The following FARP1 variants were observed in gnomAD, a reference collection of about 807,000 sequenced individuals.
FARP1 encodes FERM, ARHGEF and pleckstrin domain-containing protein 1.
Under a neutral mutation model 128.8 loss-of-function variants are expected in FARP1, and 52 were observed. That is an observed-to-expected ratio of 0.40 (90% confidence interval 0.32 to 0.51). FARP1 has a LOEUF of 0.51. FARP1 is among the 20% of genes least tolerant of loss of function. The probability of loss-of-function intolerance (pLI) is 0.45; values close to 1 mark genes in which losing one functional copy is unlikely to be tolerated. For synonymous variants in FARP1, 580 were observed against 551.8 expected (o/e 1.05, Z -0.72); for missense variants, 1,333 against 1,367.9 (o/e 0.97, Z 0.40).
intron 26 of FARP1, chr13:98,447,049 G>A (rs1892891373): frequency 9.9e-6 from 5 of 505,766 alleles, no homozygotes; most frequent in South Asian, 7.3e-5. Context: ...TGAGGCCCTA[G>A]ACATCTTGCT....
chr13:98,170,589 CTT>C (rs1877587816), intron 1 of FARP1, among the ~76,000 whole-genome samples: 1 of 151,902 alleles, frequency 6.6e-6, no homozygotes, highest in Admixed American at 6.6e-5. Context: ...ATCTCCTGAC[CTT>C]GTGATCTGCC....
chr13:98,296,586 C>CT (rs951194621), intron 2 of FARP1, among the ~76,000 whole-genome samples: 19 of 151,850 alleles, frequency 1.3e-4, no homozygotes, highest in African/African-American at 4.3e-4. Context: ...TAATGGGAGC[C>CT]TTTTTTGCGT....
At chr13:98,322,200 A>T (rs1310468576) in intron 2 of FARP1, among the ~76,000 whole-genome samples, 1 of 152,222 alleles carries the variant, frequency 6.6e-6, no homozygotes, top group Non-Finnish European at 1.5e-5. Context: ...CCGGAGGCTG[A>T]GACAGGAGAA....
intron 1 of FARP1, among the ~76,000 whole-genome samples, chr13:98,150,420 T>C (rs1364287221): frequency 6.6e-6 from 1 of 152,250 alleles, no homozygotes; most frequent in African/African-American, 2.4e-5. Context: ...ACATTCTTAA[T>C]GTCATCTTAT....
At chr13:98,441,062 A>G (rs1892503371) in intron 24 of FARP1, among the ~76,000 whole-genome samples, 2 of 152,154 alleles carry the variant, frequency 1.3e-5, no homozygotes, top group Admixed American at 6.5e-5. Context: ...AAATGCAGTC[A>G]TATCCCTTGG....
intron 5 of FARP1, 54 bp downstream of exon 5, chr13:98,368,249 A>C: frequency 8.0e-7 from 1 of 1,253,698 alleles, no homozygotes; most frequent in Non-Finnish European, 1.2e-6. Context: ...AGGAAAAGAG[A>C]AAATGAATGT....
chr13:98,249,474 G>A (rs1401286302), intron 2 of FARP1, among the ~76,000 whole-genome samples: 3 of 152,168 alleles, frequency 2.0e-5, no homozygotes. Context: ...GAAGAGGTCT[G>A]ATTTTTGCTT....
Position 98,448,309 on chromosome 13 carries a change from G to C in FARP1, c.3130G>C (p.Val1044Leu), listed in dbSNP as rs150804986. 1.3e-5 allele frequency: 21 copies of C among 1,612,828 alleles called. No homozygotes were observed. In the African/African-American group the frequency reaches 2.1e-4, roughly 16 times the overall value. The change falls in exon 27 of 27, where the codon GTG (valine) becomes CTG (leucine). Residue 1044 changes from valine to leucine, a missense_variant. Physicochemically the swap from Val to Leu is conservative, Grantham distance 32. Transcript: ENST00000319562. ...CGTGTTGAGTCACAAAGAGTCTCTT[G>C]TGTATTGATGGCCGGACACACTCGT... ...PHVLSHKESL[V>L]Y
rs780286201 is a variant in FARP1, at chr13:98,176,840, G to T, written c.-24+33348G>T. On this transcript the variant is annotated intron_variant, in intron 1 of 26. Transcript: ENST00000319562. The surrounding 1 kb of genome is among the most constrained non-coding windows in gnomAD (Gnocchi z 6.2). ...CGACCCCGCAGTGCCTCCTGGACCC[G>T]CTGGCTGCACTTGAGGATGGTCGGC... 1 of 1,611,648 alleles carries T rather than the reference G, an allele frequency of 6.2e-7. No individual in the cohort carries two copies. Among genetic ancestry groups the T allele is most frequent in the Non-Finnish European group, 8.5e-7 (1 of 1,179,962 alleles).
rs544786488 is a variant in FARP1, at chr13:98,238,491, A to T, written c.171+25078A>T. Among the ~76,000 whole-genome samples the T allele has an allele frequency of 2.0e-5, 3 of 152,342 alleles. No individual in the cohort carries two copies. In the East Asian group the frequency reaches 5.8e-4, roughly 29 times the overall value. On this transcript the variant is annotated intron_variant, in intron 2 of 26. Transcript: ENST00000319562. ...TATCTGAGACTGGGTAATTTATTAA[A>T]AAAAGAGGGTTATTGGACTCGCAGT...
In FARP1 at chr13:98,451,748, CA is replaced by C. The variant is rs1893203922; in HGVS notation, c.*3432del. The C allele has an allele frequency of 2.0e-5, 3 of 152,334 alleles. No homozygotes were observed. In the South Asian group the frequency reaches 6.2e-4, roughly 32 times the overall value. The allele number at this position is 152,334 out of a possible 1,614,324, so 9.4% of individuals were successfully genotyped here. A position where few individuals can be genotyped will look rare whatever the true frequency, so the allele number is the denominator to read the frequency against. On this transcript the variant is annotated 3_prime_UTR_variant, in exon 27 of 27. Coordinates refer to ENST00000319562, the MANE Select transcript of FARP1 (RefSeq NM_005766.4). The stretch of plus-strand genomic sequence containing the variant: ...CTTCAACAAACATAAAAGAATGCTT[CA>C]TGTACCAGTCAACAGCTGCTGCACG...
chr13:98,305,119 T>TA lies in FARP1; in HGVS notation c.172-38643_172-38642insA, dbSNP rs769255549. ...ATTTAAATGTGTATATATATATATA[T>TA]TTTTTAATTTATTTATTTTTTATTT... On this transcript the variant is annotated intron_variant, in intron 2 of 26. Transcript: ENST00000319562. 9.8e-3 allele frequency among the ~76,000 whole-genome samples: 52 copies of TA among 5,282 alleles called. No homozygotes were observed. In the East Asian group the frequency reaches 0.1, roughly 10 times the overall value. The allele number at this position is 5,282 out of a possible 152,430, so 3.5% of individuals were successfully genotyped here.
intron 2 of FARP1, among the ~76,000 whole-genome samples, chr13:98,228,381 A>G (rs558304901): frequency 1.3e-5 from 2 of 152,270 alleles, no homozygotes; most frequent in East Asian, 3.9e-4. Flanking sequence ...AAGAAAAAGG[A>G]AAAATGGCTA....
intron 16 of FARP1, among the ~76,000 whole-genome samples, chr13:98,417,805 G>A (rs1475499399): frequency 6.6e-6 from 1 of 152,198 alleles, no homozygotes; most frequent in Admixed American, 6.5e-5. Flanking sequence ...TTGCTGCCCA[G>A]AAAAATGGAG....
intron 2 of FARP1, among the ~76,000 whole-genome samples, chr13:98,230,777 C>T (rs539280492): frequency 6.6e-6 from 1 of 152,256 alleles, no homozygotes; most frequent in Admixed American, 6.5e-5. Flanking sequence ...CAGAAACAGC[C>T]TCTAATTTGT....
chr13:98,426,918 T>C (rs1260909015), intron 17 of FARP1, among the ~76,000 whole-genome samples: 1 of 152,180 alleles, frequency 6.6e-6, no homozygotes. Context: ...CAATTTTAGC[T>C]TTACAGAAAA....
intron 1 of FARP1, among the ~76,000 whole-genome samples, chr13:98,184,655 G>A (rs758959410): frequency 7.0e-4 from 106 of 152,092 alleles, no homozygotes; most frequent in Non-Finnish European, 1.3e-3. Context: ...TGTCCATCCT[G>A]CTTCCGCCTT....
At chr13:98,156,145 T>G (rs1164090155) in intron 1 of FARP1, among the ~76,000 whole-genome samples, 4 of 152,244 alleles carry the variant, frequency 2.6e-5, no homozygotes, top group Non-Finnish European at 1.5e-5. Context: ...TCTAAATAAC[T>G]AATTATAAAA....
At chr13:98,385,637 G>A (rs1193660615) in intron 7 of FARP1, 30 bp from the exon 8 acceptor site, 1 of 1,612,762 alleles carries the variant, frequency 6.2e-7, no homozygotes, top group Admixed American at 1.7e-5. Context: ...CAAATCTCCT[G>A]GCCTTTCTGT....
Sources: allele counts gnomAD v4.1 joint callset (sites outside exome capture counted in the v4.1 genomes callset), GRCh38; gene constraint gnomAD v4.1.1; non-coding constraint Gnocchi (gnomAD v3.1); transcripts MANE v1.5; gene names NCBI Gene and HGNC (gene_info 2026-07-23, HGNC 2026-07-21).